Variants in CATSPERD observed in about 807,000 individuals in gnomAD.
CATSPERD encodes the protein catsper channel auxiliary subunit delta.
In CATSPERD, 86 loss-of-function variants were observed where a neutral mutation model predicts 98.1. The ratio of observed to expected loss-of-function variants is 0.88; its 90% CI spans 0.74 to 1.05. The LOEUF is 1.05. Among genes scored for constraint, CATSPERD ranks in the 50% least tolerant of loss-of-function variants. The pLI, the probability that CATSPERD is intolerant of heterozygous loss-of-function variation, is 0.00. For synonymous variants in CATSPERD, 394 were observed against 390.2 expected (o/e 1.01, Z -0.12); for missense variants, 995 against 1,005.7 (o/e 0.99, Z 0.14).
intron 15 of CATSPERD, among the ~76,000 whole-genome samples, chr19:5,760,235 C>A (rs1206168699): frequency 6.6e-6 from 1 of 151,470 alleles, no homozygotes; most frequent in Non-Finnish European, 1.5e-5. Context: ...TCTGTCTCTA[C>A]TAAAAATACA....
chr19:5,743,791 T>C (rs1187679087), intron 7 of CATSPERD, among the ~76,000 whole-genome samples: 3 of 151,898 alleles, frequency 2.0e-5, no homozygotes, highest in African/African-American at 4.8e-5. Flanking sequence ...TATCCCTAGG[T>C]GGGGCCCTTG....
chr19:5,778,235 A>T, intron 21 of CATSPERD, 141 bp from the exon 22 acceptor site: 1 of 596,726 alleles, frequency 1.7e-6, no homozygotes, highest in Non-Finnish European at 2.8e-6. Context: ...GGCATAGTGG[A>T]TGGAAACAGA....
At chr19:5,741,886 C>G (rs1221837339) in intron 7 of CATSPERD, among the ~76,000 whole-genome samples, 1 of 140,542 alleles carries the variant, frequency 7.1e-6, no homozygotes, top group Non-Finnish European at 1.5e-5. Flanking sequence ...CAAAAATTAG[C>G]TGGGTGTGGC....
intron 1 of CATSPERD, among the ~76,000 whole-genome samples, chr19:5,724,572 G>A (rs890727527): frequency 6.6e-5 from 10 of 152,142 alleles, no homozygotes; most frequent in African/African-American, 2.4e-4. Context: ...TGTGGCGCGC[G>A]CCTGTAATCC....
intron 12 of CATSPERD, among the ~76,000 whole-genome samples, chr19:5,752,343 G>T (rs2056237170): frequency 6.6e-6 from 1 of 151,950 alleles, no homozygotes; most frequent in South Asian, 2.1e-4. Context: ...AGTTGGGCAT[G>T]GTGGTGTGTA....
chr19:5,774,404 T>G (rs1436565064), intron 20 of CATSPERD, among the ~76,000 whole-genome samples: 1 of 152,002 alleles, frequency 6.6e-6, no homozygotes, highest in Admixed American at 6.6e-5. Context: ...GAACATGAAG[T>G]TTTCCTGGAC....
At chr19:5,734,110 A>G (rs2055791876) in intron 5 of CATSPERD, 140 bp downstream of exon 5, 1 of 590,062 alleles carries the variant, frequency 1.7e-6, no homozygotes, top group African/African-American at 1.9e-5. Flanking sequence ...AACCAAAATG[A>G]AAATTGGCCT....
intron 9 of CATSPERD, among the ~76,000 whole-genome samples, chr19:5,746,497 T>C (rs1035527547): frequency 1.3e-5 from 2 of 152,090 alleles, no homozygotes; most frequent in African/African-American, 2.4e-5. Flanking sequence ...GGCGCGATCT[T>C]GGCCCACTGC....
chr19:5,725,564 GA>G (rs1220599661), intron 2 of CATSPERD, among the ~76,000 whole-genome samples: 1 of 152,044 alleles, frequency 6.6e-6, no homozygotes, highest in Middle Eastern at 3.2e-3. Flanking sequence ...AATGCATGAA[GA>G]AAAAATATTC....
intron 15 of CATSPERD, among the ~76,000 whole-genome samples, chr19:5,762,058 A>ATATATATATATATATATATTTT: frequency 9.6e-5 from 1 of 10,432 alleles, no homozygotes; most frequent in East Asian, 2.9e-3. Context: ...ATATATATAT[A>ATATATATATATATATATATTTT]TTTTTTTTTT....
chr19:5,742,330 A>G (rs561221936), intron 7 of CATSPERD, among the ~76,000 whole-genome samples: 3,591 of 119,210 alleles, frequency 0.03, 87 homozygotes, highest in Non-Finnish European at 0.047. Context: ...GTGCGTGTGC[A>G]TGTGTGTACA....
chr19:5,774,084 C>T (rs1300163902), intron 20 of CATSPERD, among the ~76,000 whole-genome samples: 1 of 150,946 alleles, frequency 6.6e-6, no homozygotes, highest in African/African-American at 2.4e-5. Context: ...TCTCCCGCCT[C>T]AGCCTCCTGA....
chr19:5,735,656 G>C (rs776873871), intron 5 of CATSPERD, among the ~76,000 whole-genome samples: 1 of 151,626 alleles, frequency 6.6e-6, no homozygotes, highest in Admixed American at 6.6e-5. Context: ...TATGTTTTTA[G>C]TATAGATGGG....
intron 16 of CATSPERD, among the ~76,000 whole-genome samples, chr19:5,764,507 C>T (rs2056503475): frequency 6.6e-6 from 1 of 151,030 alleles, no homozygotes; most frequent in Non-Finnish European, 1.5e-5. Flanking sequence ...TTAGTAGAGA[C>T]AGGGTTTCAC....
At chr19:5,725,869 C>T (rs1182647499) in intron 2 of CATSPERD, among the ~76,000 whole-genome samples, 2 of 151,882 alleles carry the variant, frequency 1.3e-5, no homozygotes, top group East Asian at 3.9e-4. Flanking sequence ...CACTGCACTC[C>T]AGCCTGGGGC....
At chr19:5,761,806 G>A (rs1192227480) in intron 15 of CATSPERD, among the ~76,000 whole-genome samples, 4 of 151,354 alleles carry the variant, frequency 2.6e-5, no homozygotes, top group Non-Finnish European at 4.4e-5. Context: ...GGGTTCAAGC[G>A]GTTCTCCTGC....
intron 13 of CATSPERD, 123 bp from the exon 14 acceptor site, chr19:5,757,720 T>A: frequency 1.6e-6 from 1 of 636,044 alleles, no homozygotes; most frequent in Admixed American, 3.0e-5. Context: ...GGATTACAGA[T>A]ATGAGCCACT....
chr19:5,729,819 T>C, intron 3 of CATSPERD, 53 bp from the exon 4 acceptor site: 1 of 1,159,312 alleles, frequency 8.6e-7, no homozygotes, highest in Non-Finnish European at 1.3e-6. Context: ...ATTGTCTTTT[T>C]TCTTTCCTTG....
At chr19:5,768,613 G>C (rs1383392136) in intron 18 of CATSPERD, among the ~76,000 whole-genome samples, 1 of 151,836 alleles carries the variant, frequency 6.6e-6, no homozygotes, top group Non-Finnish European at 1.5e-5. Flanking sequence ...TGGGATTACA[G>C]GCATGAGCCA....
Sources: gnomAD v4.1 joint callset for allele counts (sites outside exome capture counted in the v4.1 genomes callset) on GRCh38, gnomAD v4.1.1 for gene constraint, MANE v1.5 for transcripts, NCBI Gene and HGNC (gene_info 2026-07-23, HGNC 2026-07-21) for gene names.